The following TNFAIP8 variants were observed in gnomAD, a reference collection of about 807,000 sequenced individuals.
TNFAIP8 encodes the protein tumor necrosis factor alpha-induced protein 8.
In TNFAIP8, 7 loss-of-function variants were observed where a neutral mutation model predicts 13.3. That is an observed-to-expected ratio of 0.52 (90% CI 0.30 to 0.99). The LOEUF (loss-of-function observed/expected upper bound fraction) is 0.99. TNFAIP8 is among the 50% of genes least tolerant of loss of function. The pLI is 0.07. For missense variants in TNFAIP8, 258 were observed against 236.9 expected, an observed-to-expected ratio of 1.09 and a Z score of -0.58; for synonymous variants, 94 against 87.6, an observed-to-expected ratio of 1.07 and a Z score of -0.41.
chr5:119,361,259 C>T (rs1463595296), intron 1 of TNFAIP8, among the ~76,000 whole-genome samples: 1 of 152,196 alleles, frequency 6.6e-6, no homozygotes, highest in Non-Finnish European at 1.5e-5. Context: ...ACCAAGATAT[C>T]TGAAAGAGCA....
chr5:119,330,835 T>C (rs1247947544), intron 1 of TNFAIP8, among the ~76,000 whole-genome samples: 1 of 152,026 alleles, frequency 6.6e-6, no homozygotes, highest in African/African-American at 2.4e-5. Context: ...TATTTGGTAT[T>C]ACTGTGACAC....
At chr5:119,268,881 C>G in exon 1 of TNFAIP8, 2 of 702,412 alleles carry the variant, frequency 2.8e-6, no homozygotes, top group South Asian at 1.5e-5. Flanking sequence ...GCTTCAGCGT[C>G]CCGGCGCCGT....
chr5:119,277,240 T>G (rs1342976016), intron 1 of TNFAIP8, among the ~76,000 whole-genome samples: 1 of 152,232 alleles, frequency 6.6e-6, no homozygotes, highest in African/African-American at 2.4e-5. Context: ...GTTGTGATTG[T>G]CATATGGTTT....
intron 1 of TNFAIP8, among the ~76,000 whole-genome samples, chr5:119,280,136 A>G (rs534365796): frequency 2.9e-4 from 44 of 152,348 alleles, no homozygotes; most frequent in Non-Finnish European, 5.9e-4. Context: ...ACCCATATAT[A>G]TCACTAGCAT....
intron 1 of TNFAIP8, among the ~76,000 whole-genome samples, chr5:119,287,245 C>T (rs1748825736): frequency 6.9e-6 from 1 of 145,774 alleles, no homozygotes; most frequent in African/African-American, 2.5e-5. Context: ...GCTTTCTGTG[C>T]CTTACTAGGA....
chr5:119,298,880 T>G (rs1561989306), intron 1 of TNFAIP8, among the ~76,000 whole-genome samples: 1 of 152,250 alleles, frequency 6.6e-6, no homozygotes, highest in Non-Finnish European at 1.5e-5. Flanking sequence ...CTGATACCCT[T>G]TCTTCCAGTT....
At chr5:119,374,375 A>T (rs1367058670) in intron 1 of TNFAIP8, among the ~76,000 whole-genome samples, 1 of 152,224 alleles carries the variant, frequency 6.6e-6, no homozygotes, top group Admixed American at 6.5e-5. Flanking sequence ...TGAGATGCTC[A>T]ACCTGTACCG....
At chr5:119,363,387 A>G (rs1371286621) in intron 1 of TNFAIP8, among the ~76,000 whole-genome samples, 2 of 152,206 alleles carry the variant, frequency 1.3e-5, no homozygotes, top group Non-Finnish European at 2.9e-5. Flanking sequence ...CTGCCCTGCC[A>G]AGAGCAAGTG....
chr5:119,268,787 A>G, exon 1 of TNFAIP8: 1 of 684,560 alleles, frequency 1.5e-6, no homozygotes, highest in Non-Finnish European at 2.6e-6. Context: ...CGCCGGCTCT[A>G]ACCCGCGCTT....
intron 1 of TNFAIP8, among the ~76,000 whole-genome samples, chr5:119,297,031 G>C (rs1262459990): frequency 6.6e-6 from 1 of 151,666 alleles, no homozygotes; most frequent in Non-Finnish European, 1.5e-5. Flanking sequence ...TTCTTTATTA[G>C]TCTTGCTAGC....
At chr5:119,382,085 T>A (rs965918347) in intron 1 of TNFAIP8, among the ~76,000 whole-genome samples, 2 of 152,240 alleles carry the variant, frequency 1.3e-5, no homozygotes, top group Non-Finnish European at 2.9e-5. Flanking sequence ...CAAAATTTTT[T>A]AATTCCTAAT....
chr5:119,283,672 C>T (rs1748699196), intron 1 of TNFAIP8, among the ~76,000 whole-genome samples: 2 of 152,154 alleles, frequency 1.3e-5, no homozygotes, highest in Admixed American at 1.3e-4. Context: ...TGTTCCTTGT[C>T]AGTGCCCTGA....
At chr5:119,312,979 C>T (rs763490990) in intron 1 of TNFAIP8, among the ~76,000 whole-genome samples, 41 of 151,894 alleles carry the variant, frequency 2.7e-4, no homozygotes, top group African/African-American at 4.1e-4. Flanking sequence ...TAATAAAAAC[C>T]GGGACAAATA....
intron 1 of TNFAIP8, among the ~76,000 whole-genome samples, chr5:119,389,795 C>A (rs1484437549): frequency 6.6e-6 from 1 of 152,184 alleles, no homozygotes; most frequent in Non-Finnish European, 1.5e-5. Context: ...TGTGACACAG[C>A]TGCTGTGTTT....
chr5:119,296,337 CAT>C (rs1561988092), intron 1 of TNFAIP8, among the ~76,000 whole-genome samples: 2 of 151,784 alleles, frequency 1.3e-5, no homozygotes, highest in African/African-American at 4.9e-5. Context: ...TAGCATGAAG[CAT>C]TGTTGAATTT....
chr5:119,333,663 G>A lies in TNFAIP8; in HGVS notation c.2-59153G>A, dbSNP rs567186597. 3,619 of 1,471,454 alleles carry A rather than the reference G, an allele frequency of 2.5e-3. 8 individuals are homozygous for A. The highest frequency in any genetic ancestry group is 3.0e-3 in the Non-Finnish European group (3,311 of 1,088,400). The allele number at this position is 1,471,454 out of a possible 1,614,324, so 91.1% of individuals were successfully genotyped here. A position where few individuals can be genotyped will look rare whatever the true frequency, so the allele number is the denominator to read the frequency against. The stretch of plus-strand genomic sequence containing the variant: ...TAAAACGGCCTTCAGAATATGTTTA[G>A]ATATAATGTCTTTGTTGAAATCTGG... On this transcript the variant is annotated intron_variant, in intron 1 of 1. Transcript: ENST00000274456.
chr5:119,343,144 G>C (rs1750794939), intron 1 of TNFAIP8, among the ~76,000 whole-genome samples: 1 of 152,206 alleles, frequency 6.6e-6, no homozygotes, highest in South Asian at 2.1e-4. Context: ...GGGGTTGATA[G>C]GTGGCTAGTA....
intron 1 of TNFAIP8, among the ~76,000 whole-genome samples, chr5:119,279,595 G>A (rs376558589): frequency 3.9e-5 from 6 of 152,062 alleles, no homozygotes; most frequent in Non-Finnish European, 8.8e-5. Context: ...GTTAGAGATA[G>A]GGTCTTGCTC....
chr5:119,286,621 CAAAA>C (rs11302326), intron 1 of TNFAIP8, among the ~76,000 whole-genome samples: 5 of 127,536 alleles, frequency 3.9e-5, no homozygotes, highest in Admixed American at 7.8e-5. Context: ...GACTCCCTCT[CAAAA>C]AAAAAAAAAA....
Sources: gnomAD v4.1 joint callset for allele counts (sites outside exome capture counted in the v4.1 genomes callset) on GRCh38, gnomAD v4.1.1 for gene constraint, MANE v1.5 for transcripts, NCBI Gene and HGNC (gene_info 2026-07-23, HGNC 2026-07-21) for gene names.